FAM91A1: variants seen among roughly 807,000 people sequenced by gnomAD.
FAM91A1 encodes the protein protein FAM91A1.
In FAM91A1, 41 loss-of-function variants were observed where a neutral mutation model predicts 113.5. The ratio of observed to expected loss-of-function variants is 0.36; its 90% CI spans 0.28 to 0.47. The LOEUF (loss-of-function observed/expected upper bound fraction) is 0.47. Ranked by LOEUF, FAM91A1 falls within the 20% of genes least tolerant of loss-of-function variation. The pLI is 1.00. For missense variants in FAM91A1, 696 were observed against 1,001.2 expected, an observed-to-expected ratio of 0.70 and a Z score of 4.11; for synonymous variants, 307 against 347.9, an observed-to-expected ratio of 0.88 and a Z score of 1.31.
chr8:123,796,845 C>CTT (rs1815533647), intron 15 of FAM91A1, among the ~76,000 whole-genome samples: 8 of 150,666 alleles, frequency 5.3e-5, no homozygotes, highest in Admixed American at 1.3e-4. Context: ...GGGCAGATAA[C>CTT]GAGGTCAGGA....
chr8:123,773,098 A>G (rs1814893817), intron 1 of FAM91A1, among the ~76,000 whole-genome samples: 2 of 152,344 alleles, frequency 1.3e-5, no homozygotes, highest in South Asian at 4.1e-4. Context: ...TTGTACAGTT[A>G]AAATGGGACA....
rs57808944 is a variant in FAM91A1 at position 123,804,490 on chromosome 8, TAAAAAAAAAAAAA to T, written c.1810-758_1810-746del. ...TGAGTAACAGAGCAAGACTCTGTTT[TAAAAAAAAAAAAA>T]AAAAAAAAAAAAAAAAAAGAGGTAT... is the stretch of plus-strand genomic sequence containing the variant. On this transcript the variant is annotated intron_variant, in intron 18 of 23. Coordinates refer to ENST00000334705, the MANE Select transcript of FAM91A1 (RefSeq NM_144963.4). Among the ~76,000 whole-genome samples, 44 of 73,864 alleles carry T rather than the reference TAAAAAAAAAAAAA, an allele frequency of 6.0e-4. 1 individual carries two copies. The highest frequency in any genetic ancestry group is 1.0e-3 in the Admixed American group (6 of 5,860). The allele number at this position is 73,864 out of a possible 152,430, so 48.5% of individuals were successfully genotyped here.
At chr8:123,789,535 A>ATC in intron 14 of FAM91A1, 78 bp from the exon 15 acceptor site, 5 of 1,574,814 alleles carry the variant, frequency 3.2e-6, no homozygotes, top group Middle Eastern at 2.3e-4. Flanking sequence ...AATGTCTTAT[A>ATC]TCTCTATTAT....
intron 10 of FAM91A1, among the ~76,000 whole-genome samples, 177 bp from the exon 11 acceptor site, chr8:123,785,452 C>T (rs538460211): frequency 6.6e-6 from 1 of 152,298 alleles, no homozygotes; most frequent in Admixed American, 6.5e-5. Context: ...GAAACATTCC[C>T]TCCTATACAT....
At chr8:123,789,425 A>G (rs79113308) in intron 14 of FAM91A1, among the ~76,000 whole-genome samples, 188 bp from the exon 15 acceptor site, 13,677 of 152,264 alleles carry the variant, frequency 0.09, 1,196 homozygotes, top group African/African-American at 0.23. Context: ...AGTAATTTCT[A>G]TCTCCATAGA....
At chr8:123,777,154 T>TA (rs1461194709) in intron 3 of FAM91A1, 111 bp from the exon 4 acceptor site, 4 of 774,726 alleles carry the variant, frequency 5.2e-6, no homozygotes, top group Admixed American at 2.7e-5. Flanking sequence ...ACTATGATCT[T>TA]ACTGCTTCCT....
Position 123,799,653 on chromosome 8 carries a change from A to G in FAM91A1, c.1694A>G (p.Gln565Arg), listed in dbSNP as rs866712216. The G allele has an allele frequency of 1.2e-6, 2 of 1,613,834 alleles. No homozygotes were observed. The highest frequency in any genetic ancestry group is 3.3e-4 in the Middle Eastern group (2 of 6,052). The change falls in exon 17 of 24, where the codon CAG (glutamine) becomes CGG (arginine). Residue 565 changes from glutamine (Q) to arginine (R), a missense_variant and splice_region_variant. Coordinates refer to ENST00000334705, the MANE Select transcript of FAM91A1 (RefSeq NM_144963.4). ...TRLRKLPDIF[Q>R]SYDRLLITSW... ...CTTCGAAAACTGCCAGATATATTTC[A>G]GGTATGTGTGGGAGGTTTGGGTGGT...
chr8:123,787,889 AG>A, intron 14 of FAM91A1, 139 bp downstream of exon 14: 1 of 611,976 alleles, frequency 1.6e-6, no homozygotes, highest in East Asian at 3.1e-5. Flanking sequence ...TCCCCAAATT[AG>A]TACTCTTACA....
chr8:123,801,264 G>C (rs944355696), intron 18 of FAM91A1, among the ~76,000 whole-genome samples: 1 of 152,138 alleles, frequency 6.6e-6, no homozygotes, highest in African/African-American at 2.4e-5. Context: ...CTTTGCATGT[G>C]CTTATTGGGC....
chr8:123,803,973 GCTT>G (rs1293548833), intron 18 of FAM91A1, among the ~76,000 whole-genome samples: 8 of 152,086 alleles, frequency 5.3e-5, no homozygotes, highest in African/African-American at 1.9e-4. Context: ...AGTTCTTCAT[GCTT>G]CTTGTTATTA....
At chr8:123,790,715 C>G (rs1295846102) in intron 15 of FAM91A1, among the ~76,000 whole-genome samples, 1 of 152,144 alleles carries the variant, frequency 6.6e-6, no homozygotes, top group Non-Finnish European at 1.5e-5. Flanking sequence ...TAGGTGAGAA[C>G]AAACATGCTG....
At chr8:123,784,019 C>A (rs997061611) in intron 8 of FAM91A1, among the ~76,000 whole-genome samples, 1 of 152,226 alleles carries the variant, frequency 6.6e-6, no homozygotes, top group African/African-American at 2.4e-5. Flanking sequence ...AGAGCCAATA[C>A]TTTGCATCCA....
intron 1 of FAM91A1, among the ~76,000 whole-genome samples, chr8:123,772,742 T>C (rs558092257): frequency 4.1e-4 from 63 of 152,288 alleles, no homozygotes; most frequent in Middle Eastern, 3.4e-3. Context: ...GGAAGTTAAC[T>C]ACTAATAGCC....
At chr8:123,796,158 T>C (rs1022395659) in intron 15 of FAM91A1, among the ~76,000 whole-genome samples, 3 of 151,862 alleles carry the variant, frequency 2.0e-5, no homozygotes, top group African/African-American at 7.3e-5. Flanking sequence ...TGATTCAGCC[T>C]CTAAATCAGG....
rs1334278760 is a variant in FAM91A1 at position 123,812,945 on chromosome 8, C to CT, written c.*245dup. On this transcript the variant is annotated 3_prime_UTR_variant, in exon 24 of 24. Transcript: ENST00000334705. ...TTTTACCTTGAGACAATCTGCATTT[C>CT]TTTTATAAAACTAAGTATATACTTT... 2.9e-6 allele frequency: 1 copy of CT among 349,452 alleles called. No homozygotes were observed. Among genetic ancestry groups the CT allele is most frequent in the Non-Finnish European group, 5.1e-6 (1 of 194,446 alleles). The allele number at this position is 349,452 out of a possible 1,614,324, so 21.6% of individuals were successfully genotyped here.
chr8:123,808,256 G>T lies in FAM91A1; in HGVS notation c.2033-16G>T, dbSNP rs761923741. 1 of 1,601,220 alleles carries T rather than the reference G, an allele frequency of 6.2e-7. No individual in the cohort carries two copies. On this transcript the variant is annotated splice_polypyrimidine_tract_variant and intron_variant, in intron 20 of 23. Transcript: ENST00000334705. ...CTGCTAGAATCCTAATATTGTGTATGCCCTTTAATTATAAGGAGAACCTGA... is the reference window on the plus strand; with the variant it reads ...CTGCTAGAATCCTAATATTGTGTATTCCCTTTAATTATAAGGAGAACCTGA...
chr8:123,788,163 G>A, intron 14 of FAM91A1: 1 of 979,430 alleles, frequency 1.0e-6, no homozygotes, highest in Non-Finnish European at 1.2e-6. Flanking sequence ...AATATCCCTG[G>A]GTATCATATT....
At chr8:123,796,148 T>C (rs1260012490) in intron 15 of FAM91A1, among the ~76,000 whole-genome samples, 1 of 152,082 alleles carries the variant, frequency 6.6e-6, no homozygotes, top group African/African-American at 2.4e-5. Flanking sequence ...CACGTGTCTC[T>C]GATTCAGCCT....
chr8:123,809,088 A>G (rs1359169304), intron 22 of FAM91A1, 72 bp downstream of exon 22: 8 of 1,568,630 alleles, frequency 5.1e-6, no homozygotes, highest in East Asian at 4.6e-5. Context: ...ACCATATCTT[A>G]CTTTTATTCC....
Sources: gnomAD v4.1 joint callset for allele counts (sites outside exome capture counted in the v4.1 genomes callset) on GRCh38, gnomAD v4.1.1 for gene constraint, MANE v1.5 for transcripts, NCBI Gene and HGNC (gene_info 2026-07-23, HGNC 2026-07-21) for gene names.